Variants in DPY19L2 observed in about 807,000 individuals in gnomAD.
The protein encoded by DPY19L2 is probable C-mannosyltransferase DPY19L2.
Under a neutral mutation model 97.9 loss-of-function variants are expected in DPY19L2, and 34 were observed. The observed-to-expected ratio is 0.35, with a 90% CI of 0.26 to 0.46. The LOEUF (loss-of-function observed/expected upper bound fraction) is 0.46, where lower values mean the gene tolerates loss of function less well. Among genes scored for constraint, DPY19L2 ranks in the 20% least tolerant of loss-of-function variants. DPY19L2 has a pLI of 1.00. For missense variants in DPY19L2, 623 were observed against 911.4 expected (o/e 0.68, Z 4.07); for synonymous variants, 230 against 307.9 (o/e 0.75, Z 2.65).
At chr12:63,619,422 T>C (rs1888327761) in intron 9 of DPY19L2, among the ~76,000 whole-genome samples, 1 of 151,982 alleles carries the variant, frequency 6.6e-6, no homozygotes, top group South Asian at 2.1e-4. Context: ...AACACACACA[T>C]ACAAACAAAA....
chr12:63,649,079 TTC>T (rs1565838117), intron 4 of DPY19L2, among the ~76,000 whole-genome samples: 1 of 152,068 alleles, frequency 6.6e-6, no homozygotes, highest in Non-Finnish European at 1.5e-5. Context: ...CTGAATGACT[TTC>T]TGAGTCAACA....
intron 16 of DPY19L2, among the ~76,000 whole-genome samples, chr12:63,590,097 A>G (rs565505016): frequency 9.9e-5 from 15 of 151,902 alleles, no homozygotes; most frequent in African/African-American, 3.4e-4. Flanking sequence ...CACTGCATAC[A>G]CAGCAGCGAG....
intron 16 of DPY19L2, among the ~76,000 whole-genome samples, chr12:63,585,560 G>A (rs61935051): frequency 0.15 from 23,035 of 151,932 alleles, 1,984 homozygotes; most frequent in Middle Eastern, 0.22. Flanking sequence ...TTCTCCACTT[G>A]TCCCGAAATC....
chr12:63,628,137 G>A (rs1161051498), intron 6 of DPY19L2, among the ~76,000 whole-genome samples: 1 of 152,124 alleles, frequency 6.6e-6, no homozygotes, highest in Non-Finnish European at 1.5e-5. Flanking sequence ...CTCCCAGCAT[G>A]AGCGACACAG....
intron 4 of DPY19L2, among the ~76,000 whole-genome samples, chr12:63,648,620 G>A (rs935701742): frequency 2.0e-5 from 3 of 152,010 alleles, no homozygotes; most frequent in Non-Finnish European, 2.9e-5. Context: ...TAGAGACAGC[G>A]TTTCACCATG....
intron 16 of DPY19L2, among the ~76,000 whole-genome samples, chr12:63,587,254 T>A (rs1197261688): frequency 6.6e-6 from 1 of 152,070 alleles, no homozygotes; most frequent in East Asian, 1.9e-4. Context: ...ACTATCTATA[T>A]AAAGCAAACA....
At chr12:63,658,389 G>C (rs1273524840) in intron 4 of DPY19L2, among the ~76,000 whole-genome samples, 3 of 152,144 alleles carry the variant, frequency 2.0e-5, no homozygotes, top group African/African-American at 7.2e-5. Flanking sequence ...CAGCTATTCG[G>C]AGGCTGAGGA....
rs775409379 is a variant in DPY19L2 at position 63,580,745 on chromosome 12, C to G, written c.1817G>C (p.Arg606Pro). ...VMSIQGYANL[R>P]NQWSIIGEFN... is the part of the protein sequence containing the mutation. ...TTCTCCTATTATGCTCCATTGATTA[C>G]GGAGGTTTGCATAACCTTGTATTGA... The change falls in exon 19 of 22, where the codon CGT becomes CCT. Residue 606 changes from arginine (R) to proline (P), a missense_variant. Arg to Pro is a moderately radical substitution (Grantham distance 103). Transcript: ENST00000324472. The G allele has an allele frequency of 6.2e-6, 10 of 1,613,554 alleles. No individual in the cohort carries two copies. Among genetic ancestry groups the G allele is most frequent in the Non-Finnish European group, 6.8e-6 (8 of 1,179,638 alleles).
chr12:63,659,357 A>C (rs777411309), intron 4 of DPY19L2, among the ~76,000 whole-genome samples: 4 of 152,146 alleles, frequency 2.6e-5, no homozygotes, highest in Non-Finnish European at 5.9e-5. Flanking sequence ...AACTAAAAAT[A>C]ATCAACAAAA....
intron 20 of DPY19L2, 103 bp downstream of exon 20, chr12:63,570,655 G>T (rs1878638922): frequency 2.6e-6 from 2 of 780,790 alleles, no homozygotes; most frequent in Non-Finnish European, 3.9e-6. Context: ...GTTTGTGTGT[G>T]TGTGTGTGTG....
At chr12:63,634,074 G>T in intron 6 of DPY19L2, among the ~76,000 whole-genome samples, 1 of 150,552 alleles carries the variant, frequency 6.6e-6, no homozygotes, top group East Asian at 2.0e-4. Flanking sequence ...AGGGTGCGGG[G>T]AAGGGGGAGG....
intron 21 of DPY19L2, among the ~76,000 whole-genome samples, chr12:63,566,754 T>A (rs1386282236): frequency 6.6e-6 from 1 of 152,110 alleles, no homozygotes; most frequent in African/African-American, 2.4e-5. Context: ...ATAGACATTT[T>A]TCTACAGAAT....
At chr12:63,608,161 T>A (rs535410796) in intron 12 of DPY19L2, among the ~76,000 whole-genome samples, 28 of 152,158 alleles carry the variant, frequency 1.8e-4, no homozygotes, top group African/African-American at 6.3e-4. Context: ...AGGAAAATGT[T>A]AAAAGGACAA....
At chr12:63,638,033 G>C (rs181210811) in intron 6 of DPY19L2, among the ~76,000 whole-genome samples, 1,592 of 152,232 alleles carry the variant, frequency 0.01, 19 homozygotes, top group South Asian at 0.021. Context: ...CTTCATCCCT[G>C]GGATGCAAGG....
chr12:63,578,918 G>A (rs1433236092), intron 19 of DPY19L2, among the ~76,000 whole-genome samples: 3 of 151,970 alleles, frequency 2.0e-5, no homozygotes, highest in Admixed American at 6.6e-5. Flanking sequence ...AGGATTTCTT[G>A]TAATACATAG....
intron 4 of DPY19L2, among the ~76,000 whole-genome samples, chr12:63,656,784 CATTG>C (rs1481233613): frequency 3.3e-5 from 5 of 152,054 alleles, no homozygotes; most frequent in African/African-American, 4.8e-5. Flanking sequence ...TCTTCAAACT[CATTG>C]ATTATTTCTT....
chr12:63,605,256 G>A (rs147336964), intron 12 of DPY19L2, among the ~76,000 whole-genome samples: 2,480 of 152,208 alleles, frequency 0.016, 74 homozygotes, highest in African/African-American at 0.056. Flanking sequence ...TCTTTCCTGG[G>A]CTGCCTAGTC....
intron 6 of DPY19L2, among the ~76,000 whole-genome samples, chr12:63,632,994 G>A (rs1256310052): frequency 1.3e-5 from 2 of 152,070 alleles, no homozygotes; most frequent in African/African-American, 4.8e-5. Flanking sequence ...AATGATGCTC[G>A]GAAAACTGGC....
At chr12:63,634,566 T>C (rs962358135) in intron 6 of DPY19L2, among the ~76,000 whole-genome samples, 10 of 152,180 alleles carry the variant, frequency 6.6e-5, no homozygotes, top group Admixed American at 5.9e-4. Context: ...ACCTGGAAAA[T>C]CCGGACACTC....
Sources: gnomAD v4.1 joint callset for allele counts (sites outside exome capture counted in the v4.1 genomes callset) on GRCh38, gnomAD v4.1.1 for gene constraint, MANE v1.5 for transcripts, NCBI Gene and HGNC (gene_info 2026-07-23, HGNC 2026-07-21) for gene names.